The following VGLL4 variants were observed in gnomAD, a reference collection of about 807,000 sequenced individuals.
The protein encoded by VGLL4 is transcription cofactor vestigial-like protein 4.
In VGLL4, 7 loss-of-function variants were observed where a neutral mutation model predicts 21.0. The ratio of observed to expected loss-of-function variants is 0.33; its 90% CI spans 0.19 to 0.63. The LOEUF (loss-of-function observed/expected upper bound fraction) is 0.63. Among genes scored for constraint, VGLL4 ranks in the 20% least tolerant of loss-of-function variants. The pLI is 0.78. For missense variants in VGLL4, 394 were observed against 425.7 expected (o/e 0.93, Z 0.66); for synonymous variants, 222 against 173.2 (o/e 1.28, Z -2.21).
chr3:11,672,401 T>G (rs1181645051), intron 2 of VGLL4, among the ~76,000 whole-genome samples: 1 of 152,212 alleles, frequency 6.6e-6, no homozygotes, highest in Non-Finnish European at 1.5e-5. Flanking sequence ...CTGTTGCAAA[T>G]TCTACTATTC....
chr3:11,681,001 T>TA (rs2076360790), intron 2 of VGLL4, among the ~76,000 whole-genome samples: 1 of 152,132 alleles, frequency 6.6e-6, no homozygotes, highest in African/African-American at 2.4e-5. Flanking sequence ...CTTCTCTTTC[T>TA]ATGGGTCTCT....
chr3:11,596,476 T>C lies in VGLL4; in HGVS notation c.272+5357A>G, dbSNP rs2074644077. Among the ~76,000 whole-genome samples the C allele has an allele frequency of 2.0e-5, 3 of 152,280 alleles. No homozygotes were observed. The South Asian group carries it at 6.2e-4, about 32-fold the overall frequency. On this transcript the variant is annotated intron_variant, in intron 2 of 4. Coordinates refer to ENST00000430365, the MANE Select transcript of VGLL4 (RefSeq NM_001128219.3). ...ACTGCAGGAGTGGACCATGAGTACA[T>C]GTGTGGATGTAGTTCTTACTGGTGA...
intron 2 of VGLL4, among the ~76,000 whole-genome samples, chr3:11,567,174 G>C (rs1559863351): frequency 6.6e-6 from 1 of 152,120 alleles, no homozygotes; most frequent in Non-Finnish European, 1.5e-5. Context: ...GAGGCGTTCC[G>C]AGCCTCGGCG....
chr3:11,667,842 C>CTT lies in VGLL4; in HGVS notation c.64+35127_64+35128dup, dbSNP rs746416276. ...GAGGGTCTCAAATTTCTATCTTCTT[C>CTT]TTTTTTTTTTTTTTTTTTTTTTTTT... On this transcript the variant is annotated intron_variant, in intron 2 of 5. Coordinates refer to the VGLL4 transcript ENST00000273038. Among the ~76,000 whole-genome samples, 287 of 69,368 alleles carry CTT rather than the reference C, an allele frequency of 4.1e-3. 13 individuals are homozygous for CTT. The highest frequency in any genetic ancestry group is 5.9e-3 in the African/African-American group (98 of 16,676). 45.5% of individuals were successfully genotyped at this position (69,368 alleles called of 152,430 possible). A position where few individuals can be genotyped will look rare whatever the true frequency, so the allele number is the denominator to read the frequency against.
chr3:11,639,644 G>A (rs928135963), intron 1 of VGLL4, among the ~76,000 whole-genome samples: 2 of 152,186 alleles, frequency 1.3e-5, no homozygotes, highest in Admixed American at 6.5e-5. Flanking sequence ...AGGCCAAGGC[G>A]GGCGGATTAC....
intron 3 of VGLL4, among the ~76,000 whole-genome samples, chr3:11,560,146 G>A (rs987304206): frequency 2.0e-5 from 3 of 151,528 alleles, no homozygotes; most frequent in Non-Finnish European, 4.4e-5. Context: ...ACTGGCCACC[G>A]CCCCACCACC....
chr3:11,718,515 G>C (rs1409379765), intron 1 of VGLL4, among the ~76,000 whole-genome samples: 1 of 152,126 alleles, frequency 6.6e-6, no homozygotes, highest in Non-Finnish European at 1.5e-5. Context: ...AACAGTACAA[G>C]TCCGTGGACT....
Position 11,558,475 on chromosome 3 carries a change from ATTTTTTTTTTT to A in VGLL4, c.*70_*80del, listed in dbSNP as rs369629845. The A allele has an allele frequency of 1.5e-6, 1 of 654,868 alleles. No homozygotes were observed. Among genetic ancestry groups the A allele is most frequent in the Admixed American group, 3.4e-5 (1 of 29,464 alleles). 40.6% of individuals were successfully genotyped at this position (654,868 alleles called of 1,614,324 possible). On this transcript the variant is annotated 3_prime_UTR_variant, in exon 5 of 5. Transcript: ENST00000430365. ...CCCTTCCCCCCACCCCACCCCCATG[ATTTTTTTTTTT>A]TTAAGTACTGACTGTTCAAAGCTCA... is the stretch of plus-strand genomic sequence containing the variant.
chr3:11,661,187 G>A (rs143656146), intron 2 of VGLL4, among the ~76,000 whole-genome samples: 1 of 152,242 alleles, frequency 6.6e-6, no homozygotes, highest in Non-Finnish European at 1.5e-5. Context: ...AATGAAGGTT[G>A]CCAGTGCCCC....
chr3:11,623,205 G>A (rs556131950), intron 1 of VGLL4, among the ~76,000 whole-genome samples: 121 of 152,242 alleles, frequency 7.9e-4, no homozygotes, highest in African/African-American at 2.3e-3. Context: ...AGGCTCTGTC[G>A]ACTGGCTGGA....
intron 2 of VGLL4, among the ~76,000 whole-genome samples, chr3:11,650,379 G>A (rs2075853198): frequency 6.6e-6 from 1 of 152,152 alleles, no homozygotes; most frequent in Non-Finnish European, 1.5e-5. Flanking sequence ...CTTTAGAATA[G>A]ATCACCAAAA....
At chr3:11,619,195 G>C (rs753101367) in intron 1 of VGLL4, among the ~76,000 whole-genome samples, 1 of 152,224 alleles carries the variant, frequency 6.6e-6, no homozygotes, top group African/African-American at 2.4e-5. Context: ...AGCTGAGCTC[G>C]GGTGAGCTGA....
At chr3:11,678,636 T>C (rs910615426) in intron 2 of VGLL4, among the ~76,000 whole-genome samples, 1 of 152,208 alleles carries the variant, frequency 6.6e-6, no homozygotes, top group African/African-American at 2.4e-5. Context: ...GAGGCTGCAG[T>C]GAGCCATGAT....
chr3:11,557,577 T>TA lies in VGLL4; in HGVS notation c.*978dup, dbSNP rs1183710532. On this transcript the variant is annotated 3_prime_UTR_variant, in exon 5 of 5. Transcript: ENST00000430365. ...CCGCACTACTTGTGAGTAAAGTGAA[T>TA]ATCAAATACCAATCTTAGAGTACAA... The TA allele has an allele frequency of 1.3e-5, 2 of 152,606 alleles. No individual in the cohort carries two copies. The highest frequency in any genetic ancestry group is 6.5e-5 in the Admixed American group (1 of 15,284). The allele number at this position is 152,606 out of a possible 1,614,324, so 9.5% of individuals were successfully genotyped here. A position where few individuals can be genotyped will look rare whatever the true frequency, so the allele number is the denominator to read the frequency against.
upstream of VGLL4, among the ~76,000 whole-genome samples, chr3:11,648,736 T>C (rs932787804): frequency 1.3e-5 from 2 of 152,228 alleles, no homozygotes; most frequent in African/African-American, 4.8e-5. Context: ...CTGAATAACA[T>C]TTTTTAAGAG....
intron 2 of VGLL4, among the ~76,000 whole-genome samples, chr3:11,701,275 G>A (rs751943533): frequency 2.9e-4 from 44 of 152,192 alleles, no homozygotes; most frequent in Non-Finnish European, 5.7e-4. Flanking sequence ...CCTCTTTCTT[G>A]CCCTTCCTCT....
rs1217660021 is a variant in VGLL4 at position 11,653,344 on chromosome 3, G to A, written c.64+49627C>T. On this transcript the variant is annotated intron_variant, in intron 2 of 5. Coordinates refer to the VGLL4 transcript ENST00000273038. The surrounding 1 kb of genome is among the most constrained non-coding windows in gnomAD (Gnocchi z 4.2). ...ACTTACTATCCTAACCTTTAAGAAC[G>A]TAGATCAGTTGTATAACACTTTATA... 3.9e-5 allele frequency among the ~76,000 whole-genome samples: 6 copies of A among 152,102 alleles called. No individual in the cohort carries two copies. Among genetic ancestry groups the A allele is most frequent in the Non-Finnish European group, 7.4e-5 (5 of 68,024 alleles).
chr3:11,698,165 AAG>A (rs1206246521), intron 2 of VGLL4, among the ~76,000 whole-genome samples: 1 of 152,212 alleles, frequency 6.6e-6, no homozygotes, highest in Non-Finnish European at 1.5e-5. Flanking sequence ...CATTAGCACC[AAG>A]CACCTTGCCC....
intron 2 of VGLL4, among the ~76,000 whole-genome samples, chr3:11,573,277 AAGAAAG>A (rs1422647268): frequency 4.3e-5 from 1 of 23,442 alleles, no homozygotes; most frequent in Non-Finnish European, 9.5e-5. Context: ...GAAAGAAAGA[AAGAAAG>A]AAAGAAAGAA....
Sources: allele counts gnomAD v4.1 joint callset (sites outside exome capture counted in the v4.1 genomes callset), GRCh38; gene constraint gnomAD v4.1.1; non-coding constraint Gnocchi (gnomAD v3.1); transcripts MANE v1.5; gene names NCBI Gene and HGNC (gene_info 2026-07-23, HGNC 2026-07-21).